The following SEL1L2 variants were observed in gnomAD, a reference collection of about 807,000 sequenced individuals.
SEL1L2 encodes SEL1L2 adaptor subunit of SYVN1 ubiquitin ligase, also known as protein sel-1 homolog 2.
In SEL1L2, 89 loss-of-function variants were observed where a neutral mutation model predicts 98.8. The ratio of observed to expected loss-of-function variants is 0.90; its 90% confidence interval spans 0.76 to 1.07. The LOEUF (loss-of-function observed/expected upper bound fraction) is 1.07, where lower values mean the gene tolerates loss of function less well. Ranked by LOEUF, SEL1L2 falls within the 50% of genes least tolerant of loss-of-function variation. The probability of loss-of-function intolerance (pLI) is 0.00; values close to 1 mark genes in which losing one functional copy is unlikely to be tolerated. For missense variants in SEL1L2, 788 were observed against 812.0 expected (o/e 0.97, Z 0.36); for synonymous variants, 262 against 278.5 (o/e 0.94, Z 0.59).
intron 10 of SEL1L2, among the ~76,000 whole-genome samples, chr20:13,881,111 T>C (rs1019215982): frequency 3.3e-5 from 5 of 152,176 alleles, no homozygotes; most frequent in African/African-American, 1.2e-4. Context: ...CCTCCCAGAT[T>C]CAAGCGATTC....
chr20:13,926,160 C>CA (rs1239579539), intron 3 of SEL1L2, among the ~76,000 whole-genome samples: 5 of 152,058 alleles, frequency 3.3e-5, no homozygotes, highest in Non-Finnish European at 5.9e-5. Flanking sequence ...CCTAAAAATA[C>CA]AAAAAATTAG....
intron 1 of SEL1L2, among the ~76,000 whole-genome samples, chr20:13,958,240 A>G (rs769845315): frequency 3.9e-5 from 6 of 152,198 alleles, no homozygotes; most frequent in Admixed American, 2.0e-4. Flanking sequence ...ACAGTTTTTA[A>G]TAAGTGTTAG....
At chr20:13,983,488 T>A (rs2051973634) in intron 1 of SEL1L2, among the ~76,000 whole-genome samples, 1 of 152,058 alleles carries the variant, frequency 6.6e-6, no homozygotes, top group Admixed American at 6.6e-5. Flanking sequence ...TCTTAGGTCT[T>A]TTAGCACTAG....
chr20:13,912,228 G>A (rs1279896217), intron 5 of SEL1L2, among the ~76,000 whole-genome samples: 5 of 151,848 alleles, frequency 3.3e-5, no homozygotes, highest in Non-Finnish European at 7.4e-5. Context: ...GACACCCATG[G>A]GCTTTGTCGC....
intron 2 of SEL1L2, among the ~76,000 whole-genome samples, chr20:13,932,524 C>G (rs184367080): frequency 5.9e-5 from 9 of 151,804 alleles, no homozygotes; most frequent in Admixed American, 5.9e-4. Flanking sequence ...CTTCGCCTCC[C>G]GGGATCAAGT....
At chr20:13,907,518 A>G (rs955739443) in intron 5 of SEL1L2, among the ~76,000 whole-genome samples, 7 of 152,162 alleles carry the variant, frequency 4.6e-5, no homozygotes, top group African/African-American at 9.7e-5. Flanking sequence ...ACAGTGAGAC[A>G]TGATTGCGCC....
chr20:13,943,610 A>G (rs1373252321), intron 2 of SEL1L2, among the ~76,000 whole-genome samples: 2 of 152,172 alleles, frequency 1.3e-5, no homozygotes, highest in Admixed American at 6.5e-5. Flanking sequence ...ATATTTAGCA[A>G]GCACTTATTA....
chr20:13,962,599 C>G (rs1012513319), intron 1 of SEL1L2, among the ~76,000 whole-genome samples: 1 of 152,170 alleles, frequency 6.6e-6, no homozygotes, highest in African/African-American at 2.4e-5. Context: ...TTTGAACTCA[C>G]TAAGTTTTGG....
chr20:13,975,746 A>G (rs991380164), intron 1 of SEL1L2, among the ~76,000 whole-genome samples: 1 of 152,236 alleles, frequency 6.6e-6, no homozygotes, highest in African/African-American at 2.4e-5. Flanking sequence ...TCACGTAGTT[A>G]GCAATCTGCT....
At chr20:13,872,914 C>T (rs2046268758) in intron 12 of SEL1L2, among the ~76,000 whole-genome samples, 1 of 152,124 alleles carries the variant, frequency 6.6e-6, no homozygotes. Context: ...AGCAGCAGCT[C>T]TCAGTTCCTC....
At chr20:13,882,614 A>C (rs908262367) in intron 10 of SEL1L2, among the ~76,000 whole-genome samples, 1 of 152,174 alleles carries the variant, frequency 6.6e-6, no homozygotes, top group African/African-American at 2.4e-5. Context: ...TGTTCCAGCT[A>C]ACTGCAGATG....
intron 18 of SEL1L2, among the ~76,000 whole-genome samples, chr20:13,858,382 A>G (rs1429372718): frequency 6.6e-6 from 1 of 151,998 alleles, no homozygotes; most frequent in Non-Finnish European, 1.5e-5. Flanking sequence ...TCACCAAAAA[A>G]CAGGGTCAGA....
chr20:13,978,058 C>CA (rs1569077386), intron 1 of SEL1L2, among the ~76,000 whole-genome samples: 1 of 151,958 alleles, frequency 6.6e-6, no homozygotes, highest in East Asian at 1.9e-4. Context: ...CAATCTTGAG[C>CA]AAAAAGAACA....
chr20:13,990,723 T>C, upstream of SEL1L2: 1 of 557,348 alleles, frequency 1.8e-6, no homozygotes, highest in Non-Finnish European at 3.1e-6. Context: ...CTGGAGAATG[T>C]AGGCTGTGGA....
intron 12 of SEL1L2, among the ~76,000 whole-genome samples, chr20:13,873,444 C>T (rs898057514): frequency 6.6e-6 from 1 of 152,118 alleles, no homozygotes; most frequent in African/African-American, 2.4e-5. Context: ...TCACTACAAC[C>T]TCTTCCTCCC....
rs1410148140 is a variant in SEL1L2, at chr20:13,913,838, C to T, written c.493G>A (p.Ala165Thr). The T allele has an allele frequency of 3.9e-6, 6 of 1,558,084 alleles. No homozygotes were observed. Among genetic ancestry groups the T allele is most frequent in the Non-Finnish European group, 4.3e-6 (5 of 1,161,504 alleles). ...AAGGACTCATATAATTGGATAGCTG[C>T]TGTTATATTTTGCACGCCAAAATTT... ...FGNFGVQNIT[A>T]AIQLYESLAK... The change falls in exon 5 of 20, where the codon GCA becomes ACA. Residue 165 changes from alanine (A) to threonine (T), a missense_variant. Ala to Thr is a moderately conservative substitution (Grantham distance 58). Transcript: ENST00000284951.
intron 2 of SEL1L2, among the ~76,000 whole-genome samples, chr20:13,943,235 T>C (rs1417713960): frequency 2.0e-5 from 3 of 152,102 alleles, no homozygotes; most frequent in African/African-American, 7.2e-5. Flanking sequence ...TACAGGGAAA[T>C]GGTAAAGCAG....
intron 2 of SEL1L2, among the ~76,000 whole-genome samples, chr20:13,947,621 C>A (rs528087084): frequency 6.6e-6 from 1 of 152,156 alleles, no homozygotes; most frequent in Non-Finnish European, 1.5e-5. Context: ...ACATGCCCCC[C>A]ACACTGCAGG....
At chr20:13,861,453 A>G (rs1600485588) in intron 17 of SEL1L2, among the ~76,000 whole-genome samples, 1 of 151,794 alleles carries the variant, frequency 6.6e-6, no homozygotes, top group East Asian at 1.9e-4. Context: ...CATGATATAT[A>G]TATATGTATA....
Sources: gnomAD v4.1 joint callset for allele counts (sites outside exome capture counted in the v4.1 genomes callset) on GRCh38, gnomAD v4.1.1 for gene constraint, MANE v1.5 for transcripts, NCBI Gene and HGNC (gene_info 2026-07-23, HGNC 2026-07-21) for gene names.